Variants in RAD23A observed in about 807,000 individuals in gnomAD.
RAD23A encodes the protein RAD23 nucleotide excision repair protein A, also known as lysine-specific demethylase RAD23A.
In RAD23A, 16 loss-of-function variants were observed where a neutral mutation model predicts 44.8. That is an observed-to-expected ratio of 0.36 (90% CI 0.24 to 0.54). The LOEUF (loss-of-function observed/expected upper bound fraction) is 0.54, where lower values mean the gene tolerates loss of function less well. RAD23A is among the 20% of genes least tolerant of loss of function. The pLI is 0.89. For missense variants in RAD23A, 380 were observed against 483.3 expected, an observed-to-expected ratio of 0.79 and a Z score of 2.00; for synonymous variants, 217 against 202.9, an observed-to-expected ratio of 1.07 and a Z score of -0.59.
Position 12,945,881 on chromosome 19 carries a change from A to T in RAD23A, c.-68A>T. On this transcript the variant is annotated 5_prime_UTR_variant, in exon 1 of 9. The change creates a new upstream start codon in the 5' untranslated region. Coordinates refer to ENST00000586534, the MANE Select transcript of RAD23A (RefSeq NM_005053.4). ...CGCGGCGCGGCGCGCCTGGGCGCTAAGATGGCGGCGGCGTGAGTTGCATGT... is the reference window on the plus strand; with the variant it reads ...CGCGGCGCGGCGCGCCTGGGCGCTATGATGGCGGCGGCGTGAGTTGCATGT... 6.5e-7 allele frequency: 1 copy of T among 1,545,788 alleles called. No individual in the cohort carries two copies. The highest frequency in any genetic ancestry group is 8.8e-7 in the Non-Finnish European group (1 of 1,131,070).
chr19:12,951,630 G>T (rs764696851), intron 7 of RAD23A, among the ~76,000 whole-genome samples: 8 of 152,072 alleles, frequency 5.3e-5, no homozygotes, highest in Non-Finnish European at 1.2e-4. Context: ...ATTTTTAGTA[G>T]AGATGGGATT....
At chr19:12,950,915 G>T (rs528206513) in intron 7 of RAD23A, among the ~76,000 whole-genome samples, 1 of 152,110 alleles carries the variant, frequency 6.6e-6, no homozygotes, top group Non-Finnish European at 1.5e-5. Context: ...AATACAAAAA[G>T]TAGCTGAGCA....
chr19:12,953,363 CTGCT>C lies in RAD23A; in HGVS notation c.*318_*321del, dbSNP rs1971867976. On this transcript the variant is annotated 3_prime_UTR_variant, in exon 9 of 9. Coordinates refer to ENST00000586534, the MANE Select transcript of RAD23A (RefSeq NM_005053.4). Reference sequence around the variant, plus strand: ...TCTCTGCAGCCAGACGGAAAGGCGGCTGCTTGCCTCTCCATCCTCCGAAAAACCC... The same window carrying C: ...TCTCTGCAGCCAGACGGAAAGGCGGCTGCCTCTCCATCCTCCGAAAAACCC... The C allele has an allele frequency of 4.9e-6, 1 of 203,594 alleles. No homozygotes were observed. The allele number at this position is 203,594 out of a possible 1,614,324, so 12.6% of individuals were successfully genotyped here.
rs550803703 is a variant in RAD23A, at chr19:12,953,092, T to G, written c.*43T>G. 5.3e-5 allele frequency: 73 copies of G among 1,374,034 alleles called. No homozygotes were observed. The South Asian group carries it at 8.8e-4, about 17-fold the overall frequency. 85.1% of individuals were successfully genotyped at this position (1,374,034 alleles called of 1,614,324 possible). A position where few individuals can be genotyped will look rare whatever the true frequency, so the allele number is the denominator to read the frequency against. On this transcript the variant is annotated 3_prime_UTR_variant, in exon 9 of 9. Coordinates refer to ENST00000586534, the MANE Select transcript of RAD23A (RefSeq NM_005053.4). ...ACCGAAGCCCCCACCCTACCCTTAT[T>G]CCATGAAAGTTTTATAAAAGAAAAA...
chr19:12,952,084 C>T (rs1489293414), intron 7 of RAD23A, among the ~76,000 whole-genome samples: 1 of 152,168 alleles, frequency 6.6e-6, no homozygotes, highest in Non-Finnish European at 1.5e-5. Flanking sequence ...CCATCACACC[C>T]AGCTAATTTT....
Position 12,948,519 on chromosome 19 carries a change from A to T in RAD23A, c.439A>T (p.Ser147Cys). 2 of 1,595,038 alleles carry T rather than the reference A, an allele frequency of 1.3e-6. No individual in the cohort carries two copies. The highest frequency in any genetic ancestry group is 1.7e-6 in the Non-Finnish European group (2 of 1,170,468). Residue 147 changes from serine (S) to cysteine (C), a missense_variant, in exon 4 of 9, where the codon AGC (serine) becomes TGC (cysteine). Physicochemically the swap from Ser to Cys is moderately radical, Grantham distance 112. Coordinates refer to ENST00000586534, the MANE Select transcript of RAD23A (RefSeq NM_005053.4). This position sits in a 1 kb window ranked among gnomAD's most constrained non-coding sequence, Gnocchi z 5.5. ...VSGSVPSSGS[S>C]GREEDAASTL... ...CAGCTCTGTTCCCTCTTCAGGTAGCAGCGGGCGAGAGGAAGACGCGGCCTC... is the reference window on the plus strand; with the variant it reads ...CAGCTCTGTTCCCTCTTCAGGTAGCTGCGGGCGAGAGGAAGACGCGGCCTC...
In RAD23A at chr19:12,945,909, T is replaced by C; in HGVS notation, c.-40T>C. 4.4e-6 allele frequency: 7 copies of C among 1,599,418 alleles called. No individual in the cohort carries two copies. Among genetic ancestry groups the C allele is most frequent in the Non-Finnish European group, 6.0e-6 (7 of 1,172,110 alleles). On this transcript the variant is annotated 5_prime_UTR_variant, in exon 1 of 9. Transcript: ENST00000586534. ...TGGCGGCGGCGTGAGTTGCATGTTGTGTGAGGATCCCGGGGCCGCCGCGTC... is the reference window on the plus strand; with the variant it reads ...TGGCGGCGGCGTGAGTTGCATGTTGCGTGAGGATCCCGGGGCCGCCGCGTC...
In RAD23A at chr19:12,949,314, A is replaced by C. The variant is rs1400116042; in HGVS notation, c.719A>C (p.Gln240Pro). 1.2e-6 allele frequency: 2 copies of C among 1,614,106 alleles called. No individual in the cohort carries two copies. Among genetic ancestry groups the C allele is most frequent in the Non-Finnish European group, 1.7e-6 (2 of 1,179,976 alleles). The change falls in exon 7 of 9, where the codon CAG becomes CCG. Residue 240 changes from glutamine (Q) to proline (P), a missense_variant. Physicochemically the swap from Gln to Pro is moderately conservative, Grantham distance 76 (BLOSUM62 -1). Coordinates refer to ENST00000586534, the MANE Select transcript of RAD23A (RefSeq NM_005053.4). ...NPLEFLRDQP[Q>P]FQNMRQVIQQ... ...CTGGAGTTCCTGCGGGACCAGCCCCAGTTCCAGAACATGCGGCAGGTGATT... is the reference window on the plus strand; with the variant it reads ...CTGGAGTTCCTGCGGGACCAGCCCCCGTTCCAGAACATGCGGCAGGTGATT...
chr19:12,953,206 C>G lies in RAD23A; in HGVS notation c.*157C>G. On this transcript the variant is annotated 3_prime_UTR_variant, in exon 9 of 9. Transcript: ENST00000586534. ...GCAAACAGTCCAGCTTCCTGTCCTC[C>G]TAAAGTGGCCCCTGTTCCCATCTCC... 1.8e-6 allele frequency: 1 copy of G among 541,098 alleles called. No homozygotes were observed. The highest frequency in any genetic ancestry group is 3.1e-6 in the Non-Finnish European group (1 of 325,092). 33.5% of individuals were successfully genotyped at this position (541,098 alleles called of 1,614,324 possible).
In RAD23A at chr19:12,953,127, TATTC is replaced by T; in HGVS notation, c.*81_*84del. The T allele has an allele frequency of 1.2e-6, 1 of 866,978 alleles. No homozygotes were observed. The highest frequency in any genetic ancestry group is 2.0e-5 in the South Asian group (1 of 50,390). The allele number at this position is 866,978 out of a possible 1,614,324, so 53.7% of individuals were successfully genotyped here. ...TTTTATAAAAGAAAAAATATATATA[TATTC>T]ATGTTTATTTAAGAAATGGAAAAAA... On this transcript the variant is annotated 3_prime_UTR_variant, in exon 9 of 9. Transcript: ENST00000586534.
Position 12,949,256 on chromosome 19 carries a change from C to T in RAD23A, c.680-19C>T, listed in dbSNP as rs2146036227. ...AGGAGCCCGGCGTGGTGTCTGACTG[C>T]ACCCCTTCCTACTACCAGCAGGAGA... is the stretch of plus-strand genomic sequence containing the variant. On this transcript the variant is annotated intron_variant, in intron 6 of 8. Transcript: ENST00000586534. 1.2e-6 allele frequency: 2 copies of T among 1,613,986 alleles called. No individual in the cohort carries two copies. Among genetic ancestry groups the T allele is most frequent in the African/African-American group, 1.3e-5 (1 of 75,056 alleles).
Position 12,948,805 on chromosome 19 carries a change from C to T in RAD23A, c.592C>T (p.Leu198=). ...YNNPHRAVEY[L]LTGIPGSPEP... ...CAACCCCCACCGAGCCGTGGAGTAT[C>T]TGCTCACGGTGAGGTGGGGCTTCCG... The change falls in exon 5 of 9, where the codon CTG becomes TTG. Residue 198 remains leucine, a synonymous_variant. Coordinates refer to ENST00000586534, the MANE Select transcript of RAD23A (RefSeq NM_005053.4). The surrounding 1 kb of genome is among the most constrained non-coding windows in gnomAD (Gnocchi z 5.5). The T allele has an allele frequency of 6.2e-7, 1 of 1,607,556 alleles. No homozygotes were observed. Among genetic ancestry groups the T allele is most frequent in the Non-Finnish European group, 8.5e-7 (1 of 1,177,826 alleles).
chr19:12,952,194 T>C (rs189553886), intron 7 of RAD23A, among the ~76,000 whole-genome samples: 172 of 151,774 alleles, frequency 1.1e-3, no homozygotes, highest in African/African-American at 4.0e-3. Context: ...TGTGAACCAC[T>C]GCAGCCAGCC....
intron 1 of RAD23A, among the ~76,000 whole-genome samples, chr19:12,946,355 C>T (rs1971674459): frequency 6.6e-6 from 1 of 152,238 alleles, no homozygotes; most frequent in South Asian, 2.1e-4. Context: ...GCTCCACGTT[C>T]CCAGCTTTGC....
intron 1 of RAD23A, among the ~76,000 whole-genome samples, chr19:12,947,357 T>G (rs769433497): frequency 6.6e-6 from 1 of 152,190 alleles, no homozygotes; most frequent in Non-Finnish European, 1.5e-5. Flanking sequence ...GCCCAGGAGT[T>G]TGAGGCTGCA....
Position 12,952,965 on chromosome 19 carries a change from G to C in RAD23A, c.1008G>C (p.Leu336=). The change falls in exon 9 of 9, where the codon CTG becomes CTC. Residue 336 remains leucine, a synonymous_variant. Coordinates refer to ENST00000586534, the MANE Select transcript of RAD23A (RefSeq NM_005053.4). ...AGGCCCTGGGCTTCCCAGAGAGCCTGGTCATCCAGGCCTATTTCGCGTGTG... is the reference window on the plus strand; with the variant it reads ...AGGCCCTGGGCTTCCCAGAGAGCCTCGTCATCCAGGCCTATTTCGCGTGTG... ...RLKALGFPES[L]VIQAYFACEK... is the part of the protein sequence containing the mutation. 1 of 1,614,030 alleles carries C rather than the reference G, an allele frequency of 6.2e-7. No individual in the cohort carries two copies. Among genetic ancestry groups the C allele is most frequent in the South Asian group, 1.1e-5 (1 of 91,076 alleles).
Position 12,949,111 on chromosome 19 carries a change from G to A in RAD23A, c.631G>A (p.Gly211Ser), listed in dbSNP as rs768506976. 4.0e-5 allele frequency: 65 copies of A among 1,613,664 alleles called. No individual in the cohort carries two copies. The highest frequency in any genetic ancestry group is 4.9e-5 in the Non-Finnish European group (58 of 1,179,900). ...GIPGSPEPEHGSVQESQVSEQ... is the reference protein window; with the variant it reads ...GIPGSPEPEHSSVQESQVSEQ... The stretch of plus-strand genomic sequence containing the variant: ...TCCTGGGAGCCCCGAGCCGGAACAC[G>A]GTTCTGTCCAGGAGAGCCAGGTATC... Residue 211 changes from glycine to serine, a missense_variant, in exon 6 of 9, where the codon GGT (glycine) becomes AGT (serine). By Grantham distance (56) the Gly-to-Ser change is moderately conservative. Transcript: ENST00000586534.
rs1971655948 is a variant in RAD23A, at chr19:12,945,931, C to T, written c.-18C>T. The T allele has an allele frequency of 6.2e-7, 1 of 1,606,664 alleles. No homozygotes were observed. Among genetic ancestry groups the T allele is most frequent in the African/African-American group, 1.4e-5 (1 of 73,642 alleles). ...TTGTGTGAGGATCCCGGGGCCGCCG[C>T]GTCGCTCGGGCCCCGCCATGGCCGT... On this transcript the variant is annotated 5_prime_UTR_variant, in exon 1 of 9. Coordinates refer to ENST00000586534, the MANE Select transcript of RAD23A (RefSeq NM_005053.4).
chr19:12,948,634 G>A lies in RAD23A; in HGVS notation c.473-52G>A, dbSNP rs560993089. The stretch of plus-strand genomic sequence containing the variant: ...CTTGTCTGGGTGCGGGAGGGCCTGG[G>A]AGCTGCCCTTTCCTCTTCCTGGTGA... On this transcript the variant is annotated intron_variant, in intron 4 of 8. Coordinates refer to ENST00000586534, the MANE Select transcript of RAD23A (RefSeq NM_005053.4). This position sits in a 1 kb window ranked among gnomAD's most constrained non-coding sequence, Gnocchi z 5.5. 3.1e-6 allele frequency: 5 copies of A among 1,591,048 alleles called. No homozygotes were observed. The highest frequency in any genetic ancestry group is 3.4e-6 in the Non-Finnish European group (4 of 1,168,720).
Sources: allele counts gnomAD v4.1 joint callset (sites outside exome capture counted in the v4.1 genomes callset), GRCh38; gene constraint gnomAD v4.1.1; non-coding constraint Gnocchi (gnomAD v3.1); transcripts MANE v1.5; gene names NCBI Gene and HGNC (gene_info 2026-07-23, HGNC 2026-07-21).